OSTN: variants seen among roughly 807,000 people sequenced by gnomAD.
OSTN encodes osteocrin.
A neutral mutation model predicts 12.0 loss-of-function variants in OSTN; 9 were observed. The ratio of observed to expected loss-of-function variants is 0.75; its 90% CI spans 0.45 to 1.30. The LOEUF (loss-of-function observed/expected upper bound fraction) is 1.30. Ranked by LOEUF, OSTN falls within the 50% of genes most tolerant of loss-of-function variation. OSTN has a pLI of 0.00. For missense variants in OSTN, 148 were observed against 152.3 expected, an observed-to-expected ratio of 0.97 and a Z score of 0.15; for synonymous variants, 59 against 56.9, an observed-to-expected ratio of 1.04 and a Z score of -0.16.
In OSTN at chr3:191,218,795, G is replaced by A; in HGVS notation, c.151G>A (p.Glu51Lys). Residue 51 changes from glutamate to lysine, a missense_variant, in exon 3 of 5, where the codon GAA (glutamate) becomes AAA (lysine). Transcript: ENST00000682035. ...TGTGCAGTCAACACCCACAGTCAGG[G>A]AAGAGAAATCAGCCACTGACCTGAC... ...IDVQSTPTVR[E>K]EKSATDLTAK... 1 of 1,614,078 alleles carries A rather than the reference G, an allele frequency of 6.2e-7. No homozygotes were observed. Among genetic ancestry groups the A allele is most frequent in the Non-Finnish European group, 8.5e-7 (1 of 1,179,986 alleles).
intron 1 of OSTN, among the ~76,000 whole-genome samples, chr3:191,200,912 G>A (rs1234705309): frequency 6.6e-6 from 1 of 152,108 alleles, no homozygotes; most frequent in Non-Finnish European, 1.5e-5. Flanking sequence ...TCTAATTCTA[G>A]TTCTGACTTC....
chr3:191,260,613 A>C (rs1715784638), intron 4 of OSTN, among the ~76,000 whole-genome samples: 1 of 151,430 alleles, frequency 6.6e-6, no homozygotes, highest in Non-Finnish European at 1.5e-5. Context: ...CTTATGACAA[A>C]CCCCCGCCCC....
intron 2 of OSTN, among the ~76,000 whole-genome samples, chr3:191,215,294 A>G (rs1576924795): frequency 6.6e-6 from 1 of 152,170 alleles, no homozygotes; most frequent in Non-Finnish European, 1.5e-5. Context: ...CTCCTTTGAC[A>G]TGTGGGGATT....
rs566920581 is a variant in OSTN, at chr3:191,204,141, C to T, written c.-1+4834C>T. 3.9e-5 allele frequency among the ~76,000 whole-genome samples: 6 copies of T among 152,262 alleles called. No individual in the cohort carries two copies. In the South Asian group the frequency reaches 1.0e-3, roughly 26 times the overall value. On this transcript the variant is annotated intron_variant, in intron 1 of 4. Transcript: ENST00000682035. ...CTGACCTCAGGTGATCTGCCCACCT[C>T]GGCATCCCAAAGTGCTGGGATCACA... is the stretch of plus-strand genomic sequence containing the variant.
intron 2 of OSTN, chr3:191,216,923 A>G: frequency 6.6e-6 from 1 of 152,506 alleles, no homozygotes; most frequent in Non-Finnish European, 1.5e-5. Flanking sequence ...TCCCATTTCC[A>G]AAGTTGCTTC....
At chr3:191,234,329 G>A (rs938689887) in intron 3 of OSTN, among the ~76,000 whole-genome samples, 11 of 152,134 alleles carry the variant, frequency 7.2e-5, no homozygotes, top group South Asian at 2.1e-4. Context: ...AGCAGCCCAC[G>A]GTGGCCTGAA....
intron 4 of OSTN, among the ~76,000 whole-genome samples, chr3:191,254,855 C>T (rs1430198052): frequency 6.6e-6 from 1 of 152,146 alleles, no homozygotes; most frequent in Non-Finnish European, 1.5e-5. Flanking sequence ...TCAGATTAGA[C>T]TTTCAAAAGC....
intron 3 of OSTN, among the ~76,000 whole-genome samples, chr3:191,239,258 T>C (rs1434800591): frequency 2.0e-5 from 3 of 152,270 alleles, no homozygotes; most frequent in African/African-American, 7.2e-5. Context: ...TATGGAATTT[T>C]GAGGGGTTTT....
intron 4 of OSTN, among the ~76,000 whole-genome samples, chr3:191,260,544 C>T (rs1185433019): frequency 6.6e-6 from 1 of 152,142 alleles, no homozygotes; most frequent in African/African-American, 2.4e-5. Context: ...ATTGGACTTT[C>T]CCGGCATTAA....
At chr3:191,261,709 A>G (rs995235937) in intron 4 of OSTN, among the ~76,000 whole-genome samples, 6 of 152,356 alleles carry the variant, frequency 3.9e-5, no homozygotes, top group Admixed American at 6.5e-5. Context: ...CCTGATACGT[A>G]TTTTTGAAAG....
At chr3:191,209,974 C>A (rs1714377884) in intron 1 of OSTN, among the ~76,000 whole-genome samples, 1 of 152,130 alleles carries the variant, frequency 6.6e-6, no homozygotes, top group Admixed American at 6.6e-5. Flanking sequence ...TTAGTCCATT[C>A]TCACACTGCT....
At chr3:191,213,901 T>G (rs1229650807) in intron 2 of OSTN, among the ~76,000 whole-genome samples, 1 of 152,184 alleles carries the variant, frequency 6.6e-6, no homozygotes, top group Admixed American at 6.5e-5. Flanking sequence ...GTTTATCTCC[T>G]GTAGGGTTTC....
Position 191,204,232 on chromosome 3 carries a change from A to G in OSTN, c.-1+4925A>G, listed in dbSNP as rs145038965. 2.2e-3 allele frequency among the ~76,000 whole-genome samples: 329 copies of G among 152,272 alleles called. 2 individuals are homozygous for G. The highest frequency in any genetic ancestry group is 7.7e-3 in the African/African-American group (321 of 41,538). On this transcript the variant is annotated intron_variant, in intron 1 of 4. Coordinates refer to ENST00000682035, the MANE Select transcript of OSTN (RefSeq NM_198184.2). ...TTAACGGGAAATGTTAAATTTCTCA[A>G]TGTCAGCTTGCTCCTTTTTTTCAGG...
rs192864306 is a variant in OSTN, at chr3:191,238,279, C to T, written c.318-11758C>T. ...GGGAAAAAAATCCAAGTCACAGGAG[C>T]ACCTGTGACCTGTGCTTTTTCCAAA... On this transcript the variant is annotated intron_variant, in intron 3 of 4. Coordinates refer to ENST00000682035, the MANE Select transcript of OSTN (RefSeq NM_198184.2). Among the ~76,000 whole-genome samples, 152 of 152,178 alleles carry T rather than the reference C, an allele frequency of 1.0e-3. 1 individual carries two copies. The highest frequency in any genetic ancestry group is 4.1e-4 in the Non-Finnish European group (28 of 68,012).
chr3:191,210,875 C>T (rs1202486026), intron 1 of OSTN, among the ~76,000 whole-genome samples: 2 of 152,200 alleles, frequency 1.3e-5, no homozygotes. Context: ...AGCAATGCCC[C>T]ATTTTACCTA....
intron 3 of OSTN, among the ~76,000 whole-genome samples, chr3:191,239,073 G>A (rs1715264606): frequency 6.6e-6 from 1 of 152,212 alleles, no homozygotes; most frequent in African/African-American, 2.4e-5. Flanking sequence ...TATTACTGGT[G>A]AGGGTGTCCA....
chr3:191,204,397 G>A (rs1277486272), intron 1 of OSTN, among the ~76,000 whole-genome samples: 5 of 152,146 alleles, frequency 3.3e-5, no homozygotes, highest in Non-Finnish European at 5.9e-5. Flanking sequence ...GATGATATAT[G>A]TGACACTGAC....
intron 3 of OSTN, among the ~76,000 whole-genome samples, chr3:191,238,490 T>A (rs1290763544): frequency 6.6e-6 from 1 of 152,114 alleles, no homozygotes; most frequent in African/African-American, 2.4e-5. Context: ...AATCTACAGT[T>A]TACATAAGAT....
chr3:191,249,010 G>A (rs936233375), intron 3 of OSTN, among the ~76,000 whole-genome samples: 1 of 151,990 alleles, frequency 6.6e-6, no homozygotes, highest in Admixed American at 6.6e-5. Flanking sequence ...TCTGTTTCTT[G>A]GTCTGGGAAT....
Sources: gnomAD v4.1 joint callset for allele counts (sites outside exome capture counted in the v4.1 genomes callset) on GRCh38, gnomAD v4.1.1 for gene constraint, MANE v1.5 for transcripts, NCBI Gene and HGNC (gene_info 2026-07-23, HGNC 2026-07-21) for gene names.